The following ADAM2 variants were observed in gnomAD, a reference collection of about 807,000 sequenced individuals.
ADAM2 encodes disintegrin and metalloproteinase domain-containing protein 2.
A neutral mutation model predicts 99.3 loss-of-function variants in ADAM2; 101 were observed. The observed-to-expected ratio is 1.02, with a 90% CI of 0.87 to 1.20. The LOEUF (loss-of-function observed/expected upper bound fraction) is 1.20, where lower values mean the gene tolerates loss of function less well. Ranked by LOEUF, ADAM2 falls within the 50% of genes most tolerant of loss-of-function variation. ADAM2 has a pLI of 0.00. For synonymous variants in ADAM2, 323 were observed against 287.6 expected (o/e 1.12, Z -1.25); for missense variants, 948 against 878.7 (o/e 1.08, Z -1.00).
chr8:39,775,697 A>G (rs1284113139), intron 11 of ADAM2, among the ~76,000 whole-genome samples: 1 of 152,128 alleles, frequency 6.6e-6, no homozygotes, highest in Non-Finnish European at 1.5e-5. Context: ...GGTGACTGAG[A>G]AATATTGGTG....
chr8:39,774,530 T>C (rs1802913855), intron 11 of ADAM2: 1 of 152,008 alleles, frequency 6.6e-6, no homozygotes, highest in South Asian at 2.1e-4. Context: ...GCAAATTTCA[T>C]AGTCTCATAA....
intron 15 of ADAM2, among the ~76,000 whole-genome samples, chr8:39,758,290 A>G (rs1298968061): frequency 6.6e-6 from 1 of 152,178 alleles, no homozygotes; most frequent in Non-Finnish European, 1.5e-5. Flanking sequence ...AATATTTCAG[A>G]AAAGCAATTA....
intron 4 of ADAM2, among the ~76,000 whole-genome samples, chr8:39,823,268 GA>G (rs1805271922): frequency 6.6e-6 from 1 of 152,050 alleles, no homozygotes; most frequent in Non-Finnish European, 1.5e-5. Flanking sequence ...TTCTTTTGTA[GA>G]TAAGTCTTTA....
chr8:39,789,392 C>T (rs1012329228), intron 7 of ADAM2, among the ~76,000 whole-genome samples: 3 of 151,766 alleles, frequency 2.0e-5, no homozygotes, highest in African/African-American at 7.2e-5. Flanking sequence ...ATCTATAGCA[C>T]ATTTCACTAC....
chr8:39,815,085 C>T (rs758384522), intron 6 of ADAM2, among the ~76,000 whole-genome samples: 12 of 151,848 alleles, frequency 7.9e-5, no homozygotes, highest in South Asian at 2.1e-4. Flanking sequence ...AATGGATCAC[C>T]ACTGATTATT....
At chr8:39,757,075 T>C (rs1331607300) in intron 15 of ADAM2, among the ~76,000 whole-genome samples, 2 of 152,336 alleles carry the variant, frequency 1.3e-5, no homozygotes, top group East Asian at 3.9e-4. Context: ...TTAATATCTC[T>C]ACTTTAAAAC....
intron 7 of ADAM2, among the ~76,000 whole-genome samples, chr8:39,789,446 CCAGAAATAAAGCA>C (rs1803609242): frequency 6.6e-6 from 1 of 151,578 alleles, no homozygotes; most frequent in Non-Finnish European, 1.5e-5. Flanking sequence ...GGATCATGAT[CCAGAAATAAAGCA>C]CAGAAAAATG....
intron 4 of ADAM2, among the ~76,000 whole-genome samples, chr8:39,822,864 G>T (rs1805254197): frequency 6.6e-6 from 1 of 152,068 alleles, no homozygotes; most frequent in Non-Finnish European, 1.5e-5. Flanking sequence ...CTCCACCTGG[G>T]TTCCAGTGAT....
chr8:39,776,927 G>A, intron 11 of ADAM2, 98 bp downstream of exon 11: 1 of 762,416 alleles, frequency 1.3e-6, no homozygotes, highest in South Asian at 1.7e-5. Context: ...AGTCACAGCT[G>A]ATCGCCATTA....
intron 18 of ADAM2, 132 bp from the exon 19 acceptor site, chr8:39,746,763 A>G: frequency 2.8e-6 from 2 of 714,396 alleles, no homozygotes; most frequent in East Asian, 6.1e-5. Flanking sequence ...CATATTTTCT[A>G]TGAAATAGAT....
At chr8:39,814,377 C>T (rs1410911039) in intron 6 of ADAM2, among the ~76,000 whole-genome samples, 2 of 150,582 alleles carry the variant, frequency 1.3e-5, no homozygotes, top group Non-Finnish European at 3.0e-5. Context: ...AAAAAAAATC[C>T]ACAATAGCCA....
At chr8:39,806,641 AT>A (rs1485352131) in intron 7 of ADAM2, among the ~76,000 whole-genome samples, 3 of 151,914 alleles carry the variant, frequency 2.0e-5, no homozygotes, top group Admixed American at 1.3e-4. Flanking sequence ...TCCAAGCAAA[AT>A]GTTAGAGCAT....
At chr8:39,815,349 G>A (rs1439805550) in intron 6 of ADAM2, among the ~76,000 whole-genome samples, 1 of 152,082 alleles carries the variant, frequency 6.6e-6, no homozygotes. Context: ...ATGGAATAAG[G>A]TTATAGGATC....
intron 1 of ADAM2, among the ~76,000 whole-genome samples, chr8:39,837,434 TG>T (rs1805880637): frequency 6.6e-6 from 1 of 151,986 alleles, no homozygotes; most frequent in Non-Finnish European, 1.5e-5. Context: ...AGGCCCAGGC[TG>T]GAGTGCAGTG....
chr8:39,785,615 G>A (rs1258714340), intron 10 of ADAM2, among the ~76,000 whole-genome samples: 1 of 152,216 alleles, frequency 6.6e-6, no homozygotes, highest in Admixed American at 6.5e-5. Flanking sequence ...GGCCAATGTG[G>A]CAAAACTTTG....
In ADAM2 at chr8:39,838,057, C is replaced by T. The variant is rs891853503; in HGVS notation, c.55+74G>A. On this transcript the variant is annotated intron_variant, in intron 1 of 20. Transcript: ENST00000265708. The stretch of plus-strand genomic sequence containing the variant: ...CAGGAAAGCATCCTCCCAGGGATGT[C>T]AATGTAACTTGGAGGCAAAGGGAGA... 2.3e-5 allele frequency: 34 copies of T among 1,499,888 alleles called. No homozygotes were observed. The Admixed American group carries it at 5.5e-4, about 24-fold the overall frequency. The allele number at this position is 1,499,888 out of a possible 1,614,324, so 92.9% of individuals were successfully genotyped here.
chr8:39,828,399 C>T (rs187584034), intron 3 of ADAM2, among the ~76,000 whole-genome samples: 43 of 150,852 alleles, frequency 2.9e-4, no homozygotes, highest in East Asian at 7.8e-4. Context: ...GATATGTTAA[C>T]GTAGAGAAAC....
intron 20 of ADAM2, among the ~76,000 whole-genome samples, chr8:39,744,508 A>G (rs1823366903): frequency 6.6e-6 from 1 of 152,040 alleles, no homozygotes; most frequent in African/African-American, 2.4e-5. Flanking sequence ...GCTGGAAGCC[A>G]TCATTCTCAA....
chr8:39,751,795 A>G (rs1415429530), intron 16 of ADAM2, among the ~76,000 whole-genome samples: 1 of 152,084 alleles, frequency 6.6e-6, no homozygotes, highest in Admixed American at 6.5e-5. Context: ...CCTTCTTGTT[A>G]TGTAGGAACT....
Sources: allele counts gnomAD v4.1 joint callset (sites outside exome capture counted in the v4.1 genomes callset), GRCh38; gene constraint gnomAD v4.1.1; transcripts MANE v1.5; gene names NCBI Gene and HGNC (gene_info 2026-07-23, HGNC 2026-07-21).